Variants in ALK observed in about 807,000 individuals in gnomAD.
ALK encodes ALK tyrosine kinase receptor.
ALK carries 74 observed loss-of-function variants against 163.1 expected under a neutral mutation model. The ratio of observed to expected loss-of-function variants is 0.45; its 90% CI spans 0.38 to 0.55. The LOEUF (loss-of-function observed/expected upper bound fraction) is 0.55, where lower values mean the gene tolerates loss of function less well. ALK is among the 20% of genes least tolerant of loss of function. The pLI is 0.00. For synonymous variants in ALK, 960 were observed against 843.2 expected (o/e 1.14, Z -2.40); for missense variants, 2,063 against 2,105.3 (o/e 0.98, Z 0.39).
chr2:29,723,826 G>A (rs1679488120), intron 1 of ALK, among the ~76,000 whole-genome samples: 1 of 152,096 alleles, frequency 6.6e-6, no homozygotes, highest in Non-Finnish European at 1.5e-5. Context: ...TGGGAGTCTT[G>A]GTCTCTTTTC....
At chr2:29,828,886 T>A (rs1665279828) in intron 1 of ALK, among the ~76,000 whole-genome samples, 1 of 152,100 alleles carries the variant, frequency 6.6e-6, no homozygotes, top group Non-Finnish European at 1.5e-5. Context: ...TGTGGCACTC[T>A]TCACAATAGC....
At chr2:29,707,593 G>A (rs1678948938) in intron 2 of ALK, among the ~76,000 whole-genome samples, 1 of 152,176 alleles carries the variant, frequency 6.6e-6, no homozygotes. Context: ...GTTATTCTAG[G>A]CAGGTGAAGA....
At chr2:29,867,454 T>C (rs1666464017) in intron 1 of ALK, among the ~76,000 whole-genome samples, 1 of 152,196 alleles carries the variant, frequency 6.6e-6, no homozygotes, top group African/African-American at 2.4e-5. Flanking sequence ...GGTTCACTTG[T>C]CCCAAAAGGA....
intron 1 of ALK, among the ~76,000 whole-genome samples, chr2:29,832,454 G>T (rs951679640): frequency 6.6e-6 from 1 of 152,222 alleles, no homozygotes; most frequent in African/African-American, 2.4e-5. Flanking sequence ...CCCAAAATTT[G>T]TTATCTTTGG....
At chr2:29,409,996 A>G (rs1394806070) in intron 4 of ALK, among the ~76,000 whole-genome samples, 1 of 152,128 alleles carries the variant, frequency 6.6e-6, no homozygotes, top group Admixed American at 6.6e-5. Flanking sequence ...AATCATATAC[A>G]TCATTAAACA....
At chr2:29,881,763 C>G (rs767999272) in intron 1 of ALK, among the ~76,000 whole-genome samples, 1 of 152,162 alleles carries the variant, frequency 6.6e-6, no homozygotes, top group Non-Finnish European at 1.5e-5. Context: ...TCATCTTTTC[C>G]AAGTCAAAAT....
intron 5 of ALK, among the ~76,000 whole-genome samples, chr2:29,379,720 G>A (rs1381861132): frequency 6.6e-6 from 1 of 152,184 alleles, no homozygotes; most frequent in East Asian, 1.9e-4. Flanking sequence ...GAGTAATATT[G>A]AGGAGATTTA....
rs866336882 is a variant in ALK at position 29,504,894 on chromosome 2, G to T, written c.1154+27021C>A. Among the ~76,000 whole-genome samples the T allele has an allele frequency of 6.6e-5, 10 of 152,288 alleles. 1 individual carries two copies. The South Asian group carries it at 1.0e-3, about 16-fold the overall frequency. ...TACCTTTGCACCATCCTAATAGAAGGCCACTTTGACGGCTGGGTAGAGAGG... is the reference window on the plus strand; with the variant it reads ...TACCTTTGCACCATCCTAATAGAAGTCCACTTTGACGGCTGGGTAGAGAGG... On this transcript the variant is annotated intron_variant, in intron 4 of 28. Coordinates refer to ENST00000389048, the MANE Select transcript of ALK (RefSeq NM_004304.5).
intron 5 of ALK, among the ~76,000 whole-genome samples, chr2:29,335,989 G>A (rs531152307): frequency 2.6e-5 from 4 of 152,124 alleles, no homozygotes; most frequent in Non-Finnish European, 5.9e-5. Flanking sequence ...GCAGTGAGCC[G>A]AGATCATGCC....
At chr2:29,318,521 C>G in intron 7 of ALK, 117 bp from the exon 8 acceptor site, 1 of 761,262 alleles carries the variant, frequency 1.3e-6, no homozygotes, top group Non-Finnish European at 2.3e-6. Flanking sequence ...TTTGAGGAAA[C>G]AGGTTTCTGG....
intron 1 of ALK, chr2:29,890,303 A>T (rs1421916653): frequency 7.2e-6 from 1 of 139,548 alleles, no homozygotes; most frequent in African/African-American, 2.6e-5. Flanking sequence ...AAACAGTGGA[A>T]GTTTCCAGAG....
intron 4 of ALK, among the ~76,000 whole-genome samples, chr2:29,477,935 T>G (rs1168474620): frequency 1.3e-5 from 2 of 152,218 alleles, no homozygotes; most frequent in African/African-American, 4.8e-5. Context: ...AGGAAGGCAC[T>G]TCTGCCAGCA....
intron 5 of ALK, among the ~76,000 whole-genome samples, chr2:29,341,415 G>A (rs1667787929): frequency 6.6e-6 from 1 of 152,244 alleles, no homozygotes; most frequent in Non-Finnish European, 1.5e-5. Flanking sequence ...GAGAGTGATG[G>A]CTGATTCACA....
At position 29,861,454 on chromosome 2, in the gene ALK, A is replaced by C. The variant is rs372830845; in HGVS notation, c.667+58539T>G. Among the ~76,000 whole-genome samples, 4 of 152,322 alleles carry C rather than the reference A, an allele frequency of 2.6e-5. No individual in the cohort carries two copies. The East Asian group carries it at 7.7e-4, about 29-fold the overall frequency. ...ATAAAAAATGAAAGAGGAGAATTACAATTAATACCACAGAAATACAAAAGA... is the reference window on the plus strand; with the variant it reads ...ATAAAAAATGAAAGAGGAGAATTACCATTAATACCACAGAAATACAAAAGA... On this transcript the variant is annotated intron_variant, in intron 1 of 28. Coordinates refer to ENST00000389048, the MANE Select transcript of ALK (RefSeq NM_004304.5).
At chr2:29,887,747 T>C (rs1157099748) in intron 1 of ALK, among the ~76,000 whole-genome samples, 1 of 152,156 alleles carries the variant, frequency 6.6e-6, no homozygotes, top group Admixed American at 6.5e-5. Flanking sequence ...GACAAGCCCA[T>C]TATGTTGTAT....
intron 3 of ALK, among the ~76,000 whole-genome samples, chr2:29,670,824 C>G (rs58283588): frequency 2.6e-5 from 4 of 151,990 alleles, no homozygotes; most frequent in African/African-American, 9.7e-5. Flanking sequence ...ATGTATTTCT[C>G]AGTTCTAAGG....
At chr2:29,414,109 C>T (rs1033665769) in intron 4 of ALK, among the ~76,000 whole-genome samples, 10 of 152,174 alleles carry the variant, frequency 6.6e-5, no homozygotes, top group Admixed American at 3.9e-4. Flanking sequence ...GTTAGGATGG[C>T]TACAACGGCA....
At chr2:29,305,877 A>G (rs889870376) in intron 8 of ALK, among the ~76,000 whole-genome samples, 2 of 152,160 alleles carry the variant, frequency 1.3e-5, no homozygotes, top group Admixed American at 6.5e-5. Context: ...GAATAATTAT[A>G]CAACTCACCA....
At chr2:29,820,965 G>A (rs73925222) in intron 1 of ALK, among the ~76,000 whole-genome samples, 3,999 of 152,268 alleles carry the variant, frequency 0.026, 157 homozygotes, top group African/African-American at 0.086. Flanking sequence ...AGGGGTTGGG[G>A]GTAGAGCAGA....
Sources: allele counts gnomAD v4.1 joint callset (sites outside exome capture counted in the v4.1 genomes callset), GRCh38; gene constraint gnomAD v4.1.1; transcripts MANE v1.5; gene names NCBI Gene and HGNC (gene_info 2026-07-23, HGNC 2026-07-21).